PRKG1: variants seen among roughly 807,000 people sequenced by gnomAD.
PRKG1 encodes cGMP-dependent protein kinase 1.
PRKG1 carries 35 observed loss-of-function variants against 88.1 expected under a neutral mutation model. The ratio of observed to expected loss-of-function variants is 0.40; its 90% confidence interval spans 0.30 to 0.53. The LOEUF (loss-of-function observed/expected upper bound fraction) is 0.53. Ranked by LOEUF, PRKG1 falls within the 20% of genes least tolerant of loss-of-function variation. The probability of loss-of-function intolerance (pLI) is 0.59; values close to 1 mark genes in which losing one functional copy is unlikely to be tolerated. For synonymous variants in PRKG1, 303 were observed against 292.5 expected, an observed-to-expected ratio of 1.04 and a Z score of -0.37; for missense variants, 540 against 839.8, an observed-to-expected ratio of 0.64 and a Z score of 4.41.
chr10:51,222,559 G>T (rs530338910), intron 2 of PRKG1, among the ~76,000 whole-genome samples: 1 of 152,222 alleles, frequency 6.6e-6, no homozygotes, highest in African/African-American at 2.4e-5. Flanking sequence ...TAATAAGGTT[G>T]AGAAGTTTGC....
intron 2 of PRKG1, among the ~76,000 whole-genome samples, chr10:51,203,299 T>G (rs1837961644): frequency 6.6e-6 from 1 of 152,244 alleles, no homozygotes; most frequent in Non-Finnish European, 1.5e-5. Context: ...TTTTCATTCA[T>G]TCTGAAAATT....
intron 2 of PRKG1, among the ~76,000 whole-genome samples, chr10:51,439,594 A>G (rs1485344068): frequency 1.3e-5 from 2 of 151,934 alleles, no homozygotes. Flanking sequence ...ATTTTCAAGT[A>G]CAGTCAAAAA....
chr10:52,190,362 CA>C (rs1839331169), intron 9 of PRKG1, among the ~76,000 whole-genome samples: 1 of 152,046 alleles, frequency 6.6e-6, no homozygotes. Context: ...ATGAGGCAGA[CA>C]AATGCATTCA....
At chr10:51,825,821 G>A (rs1026101224) in intron 4 of PRKG1, among the ~76,000 whole-genome samples, 2 of 152,116 alleles carry the variant, frequency 1.3e-5, no homozygotes, top group African/African-American at 4.8e-5. Context: ...GGAGACAAGG[G>A]CAGAGAGGGT....
chr10:51,971,510 CT>C (rs1189720765), intron 5 of PRKG1, among the ~76,000 whole-genome samples: 1 of 151,912 alleles, frequency 6.6e-6, no homozygotes, highest in South Asian at 2.1e-4. Context: ...GGCAGTTTCT[CT>C]TTTTTTATCT....
chr10:51,967,465 C>T (rs760127298), intron 5 of PRKG1, among the ~76,000 whole-genome samples: 8 of 151,750 alleles, frequency 5.3e-5, no homozygotes, highest in Non-Finnish European at 1.2e-4. Context: ...ATGTATACGA[C>T]GTGTTAATGG....
chr10:51,174,627 G>C (rs1300743641), intron 2 of PRKG1, among the ~76,000 whole-genome samples: 2 of 152,002 alleles, frequency 1.3e-5, no homozygotes, highest in East Asian at 3.8e-4. Flanking sequence ...GCCTGAAAAT[G>C]CAGAGTTGCT....
At chr10:52,207,352 C>T (rs1174835148) in intron 9 of PRKG1, among the ~76,000 whole-genome samples, 1 of 152,042 alleles carries the variant, frequency 6.6e-6, no homozygotes, top group Non-Finnish European at 1.5e-5. Context: ...CCAGGAAGCA[C>T]CCTGGTTGGG....
intron 4 of PRKG1, among the ~76,000 whole-genome samples, chr10:51,841,686 T>A (rs192922153): frequency 1.3e-4 from 20 of 151,964 alleles, no homozygotes; most frequent in African/African-American, 4.6e-4. Flanking sequence ...TTTTTATGTG[T>A]TTTTTTTCAT....
chr10:51,680,561 A>C (rs1047354584), intron 3 of PRKG1, among the ~76,000 whole-genome samples: 1 of 152,248 alleles, frequency 6.6e-6, no homozygotes, highest in Non-Finnish European at 1.5e-5. Flanking sequence ...GTCTCATACA[A>C]GTCCTCTGTC....
chr10:51,871,596 A>T (rs907827371), intron 4 of PRKG1, among the ~76,000 whole-genome samples: 5 of 152,202 alleles, frequency 3.3e-5, no homozygotes, highest in African/African-American at 1.2e-4. Flanking sequence ...ATCAGGAAAG[A>T]TCCTCTTGCC....
rs574397626 is a variant in PRKG1, at chr10:52,203,545, A to G, written c.1076+41582A>G. Among the ~76,000 whole-genome samples, 43 of 152,288 alleles carry G rather than the reference A, an allele frequency of 2.8e-4. 1 individual carries two copies. Among genetic ancestry groups the G allele is most frequent in the African/African-American group, 1.0e-3 (43 of 41,558 alleles). Reference sequence around the variant, plus strand: ...GATGTCTGTTAGGTTTATTTCGTCAAGGGTTGAGTTCAGGTCCCGAATATC... The same window carrying G: ...GATGTCTGTTAGGTTTATTTCGTCAGGGGTTGAGTTCAGGTCCCGAATATC... On this transcript the variant is annotated intron_variant, in intron 9 of 17. Coordinates refer to ENST00000373980, the MANE Select transcript of PRKG1 (RefSeq NM_006258.4).
intron 9 of PRKG1, among the ~76,000 whole-genome samples, chr10:52,207,154 G>A (rs1839841073): frequency 6.6e-6 from 1 of 152,326 alleles, no homozygotes; most frequent in African/African-American, 2.4e-5. Context: ...GTGCCAGCAG[G>A]GGAGGGGAGG....
intron 2 of PRKG1, among the ~76,000 whole-genome samples, chr10:51,239,470 C>G (rs112435013): frequency 6.6e-6 from 1 of 152,092 alleles, no homozygotes; most frequent in Admixed American, 6.6e-5. Flanking sequence ...CACAGTTAGC[C>G]AAATGGCTAA....
At position 52,234,419 on chromosome 10, in the gene PRKG1, A is replaced by C. The variant is rs1300623895; in HGVS notation, c.1077-17151A>C. On this transcript the variant is annotated intron_variant, in intron 9 of 17. Transcript: ENST00000373980. ...GGCAAAGCAGTTGAAAACTTTGAAAAAAATTTAGAAGCATGTATAACTAGA... is the reference window on the plus strand; with the variant it reads ...GGCAAAGCAGTTGAAAACTTTGAAACAAATTTAGAAGCATGTATAACTAGA... Among the ~76,000 whole-genome samples, 6 of 152,106 alleles carry C rather than the reference A, an allele frequency of 3.9e-5. No homozygotes were observed. The East Asian group carries it at 1.2e-3, about 29-fold the overall frequency.
intron 3 of PRKG1, among the ~76,000 whole-genome samples, chr10:51,520,244 T>C (rs369685484): frequency 4.1e-5 from 6 of 146,656 alleles, no homozygotes; most frequent in East Asian, 1.9e-4. Flanking sequence ...TGTATATACA[T>C]ATATGGATAT....
intron 3 of PRKG1, among the ~76,000 whole-genome samples, chr10:51,572,676 C>A (rs1837786563): frequency 6.6e-6 from 1 of 151,776 alleles, no homozygotes; most frequent in South Asian, 2.1e-4. Context: ...ATCAGGCCAG[C>A]AATCTTTTTT....
intron 2 of PRKG1, among the ~76,000 whole-genome samples, chr10:51,373,638 T>C (rs1461564870): frequency 6.6e-6 from 1 of 151,958 alleles, no homozygotes; most frequent in Non-Finnish European, 1.5e-5. Flanking sequence ...GTTCCCTTAA[T>C]CAACCCAAAT....
chr10:51,698,345 TG>T, intron 3 of PRKG1: 1 of 1,614,162 alleles, frequency 6.2e-7, no homozygotes, highest in Middle Eastern at 1.6e-4. Context: ...TAGACCCCTT[TG>T]ATCTATCATG....
Sources: gnomAD v4.1 joint callset for allele counts (sites outside exome capture counted in the v4.1 genomes callset) on GRCh38, gnomAD v4.1.1 for gene constraint, MANE v1.5 for transcripts, NCBI Gene and HGNC (gene_info 2026-07-23, HGNC 2026-07-21) for gene names.